Variants in MAMLD1 observed in about 807,000 individuals in gnomAD.
MAMLD1 encodes the protein mastermind like domain containing 1, also known as mastermind-like domain-containing protein 1.
Under a neutral mutation model 45.0 loss-of-function variants are expected in MAMLD1, and 14 were observed. That is an observed-to-expected ratio of 0.31 (90% CI 0.21 to 0.49). The LOEUF is 0.49. Ranked by LOEUF, MAMLD1 falls within the 20% of genes least tolerant of loss-of-function variation. The pLI, the probability that MAMLD1 is intolerant of heterozygous loss-of-function variation, is 0.99. For missense variants in MAMLD1, 543 were observed against 603.6 expected (o/e 0.90, Z 1.05); for synonymous variants, 254 against 247.8 (o/e 1.02, Z -0.24).
intron 1 of MAMLD1, among the ~76,000 whole-genome samples, chrX:150,380,505 T>G (rs1206345020): frequency 1.8e-5 from 2 of 112,082 alleles, no homozygotes; most frequent in African/African-American, 6.5e-5. Flanking sequence ...TGTTTTGTTT[T>G]GCCATGCAAA....
chrX:150,373,928 C>T lies in MAMLD1; in HGVS notation c.-64+10398C>T, dbSNP rs138905985. On this transcript the variant is annotated intron_variant, in intron 1 of 7. Transcript: ENST00000370401. The stretch of plus-strand genomic sequence containing the variant: ...ATCCACACCCCACCCTCCACCCCAC[C>T]AAATGGTACCATGCCTGGCATAAAG... 9.8e-3 allele frequency among the ~76,000 whole-genome samples: 1,096 copies of T among 112,090 alleles called. 7 individuals are homozygous for T. Among genetic ancestry groups the T allele is most frequent in the South Asian group, 0.025 (68 of 2,686 alleles).
chrX:150,370,051 C>G (rs1042100081), intron 1 of MAMLD1, among the ~76,000 whole-genome samples: 2 of 107,994 alleles, frequency 1.9e-5, no homozygotes, highest in Non-Finnish European at 3.8e-5. Context: ...CTAAAAAACT[C>G]CTTATCCAAG....
chrX:150,508,557 C>T (rs1197851399), intron 6 of MAMLD1, among the ~76,000 whole-genome samples: 2 of 112,333 alleles, frequency 1.8e-5, no homozygotes, highest in Admixed American at 9.3e-5. Flanking sequence ...GTAGTCTTCC[C>T]GGTGCCATGT....
Position 150,373,179 on chromosome X carries a change from G to A in MAMLD1, c.-64+9649G>A, listed in dbSNP as rs782126772. Among the ~76,000 whole-genome samples the A allele has an allele frequency of 1.2e-4, 13 of 111,480 alleles. No individual in the cohort carries two copies. In the East Asian group the frequency reaches 1.4e-3, roughly 12 times the overall value. On this transcript the variant is annotated intron_variant, in intron 1 of 7. Coordinates refer to ENST00000370401, the MANE Select transcript of MAMLD1 (RefSeq NM_005491.5). ...CCTGCCTGCTCTTCCTGGGCGTCCC[G>A]CACCAGCAATCCCCAAGAGTAACAG...
intron 1 of MAMLD1, among the ~76,000 whole-genome samples, chrX:150,433,860 G>A (rs2035033580): frequency 1.8e-5 from 2 of 111,574 alleles, no homozygotes; most frequent in Admixed American, 1.9e-4. Context: ...AATATTGGCC[G>A]TAAGTTTTCT....
At chrX:150,490,299 G>A (rs2037141620) in intron 5 of MAMLD1, among the ~76,000 whole-genome samples, 1 of 112,328 alleles carries the variant, frequency 8.9e-6, no homozygotes, top group Non-Finnish European at 1.9e-5. Flanking sequence ...GCCAAGGCTG[G>A]CTTGACTGGC....
intron 1 of MAMLD1, among the ~76,000 whole-genome samples, chrX:150,398,304 A>C (rs981899266): frequency 4.2e-4 from 41 of 97,908 alleles, no homozygotes; most frequent in African/African-American, 1.6e-3. Context: ...AAGAAGAAGA[A>C]GAAGAAGAAG....
At chrX:150,387,001 GATTT>G (rs1308273531) in intron 1 of MAMLD1, among the ~76,000 whole-genome samples, 1 of 110,634 alleles carries the variant, frequency 9.0e-6, no homozygotes, top group Admixed American at 9.7e-5. Context: ...TTTCAAAAAT[GATTT>G]ATGTAAAAGA....
chrX:150,493,104 T>G (rs1365862127), intron 5 of MAMLD1, among the ~76,000 whole-genome samples: 1 of 111,902 alleles, frequency 8.9e-6, no homozygotes, highest in Non-Finnish European at 1.9e-5. Flanking sequence ...CTTGAGTGTC[T>G]GTGTGGACCA....
At chrX:150,403,973 A>AAAGAAAGG (rs2033918728) in intron 1 of MAMLD1, among the ~76,000 whole-genome samples, 7 of 92,342 alleles carry the variant, frequency 7.6e-5, no homozygotes, top group African/African-American at 3.2e-4. Flanking sequence ...AGAAAGAAAG[A>AAAGAAAGG]AAGAAAGAAA....
intron 6 of MAMLD1, among the ~76,000 whole-genome samples, chrX:150,507,623 C>T (rs1450233096): frequency 2.7e-5 from 3 of 112,308 alleles, no homozygotes; most frequent in African/African-American, 6.5e-5. Context: ...GTGTCAGCAG[C>T]GCTGTGTGGC....
intron 5 of MAMLD1, among the ~76,000 whole-genome samples, chrX:150,501,379 A>G (rs2037547436): frequency 8.9e-6 from 1 of 112,013 alleles, no homozygotes; most frequent in Admixed American, 9.5e-5. Flanking sequence ...AGAACTGTCC[A>G]TTGTAGAAAG....
At chrX:150,459,195 T>C (rs1045227866) in intron 2 of MAMLD1, among the ~76,000 whole-genome samples, 2 of 111,323 alleles carry the variant, frequency 1.8e-5, no homozygotes, top group Admixed American at 1.9e-4. Context: ...TGACTGCGCC[T>C]TCCAGGCAGT....
intron 1 of MAMLD1, among the ~76,000 whole-genome samples, chrX:150,409,398 A>G (rs2034071231): frequency 1.8e-5 from 2 of 110,504 alleles, no homozygotes; most frequent in African/African-American, 3.3e-5. Context: ...TGAGGACTAC[A>G]AGCCTAAAGC....
chrX:150,405,639 A>T (rs1557402640), intron 1 of MAMLD1, among the ~76,000 whole-genome samples: 8 of 111,812 alleles, frequency 7.2e-5, no homozygotes, highest in South Asian at 3.7e-4. Flanking sequence ...GGTGGTTGTG[A>T]TGTTATATGT....
chrX:150,506,598 CCCCGAATCG>C (rs1336114382), intron 6 of MAMLD1, among the ~76,000 whole-genome samples: 1 of 112,294 alleles, frequency 8.9e-6, no homozygotes, highest in Non-Finnish European at 1.9e-5. Context: ...CTGTCTCAGT[CCCCGAATCG>C]TTTGTCCTCT....
rs1557405680 is a variant in MAMLD1, at chrX:150,462,755, C to T, written c.97-17C>T. 8.5e-7 allele frequency: 1 copy of T among 1,182,680 alleles called. No homozygotes were observed. On this transcript the variant is annotated splice_polypyrimidine_tract_variant and intron_variant, in intron 2 of 7. Transcript: ENST00000370401. The stretch of plus-strand genomic sequence containing the variant: ...AGTGTGTGCAAGTGGCTCTCCTCAG[C>T]CTACTCTCACCCCCAGGGAAAGAAG...
At chrX:150,365,202 A>T (rs1240253584) in intron 1 of MAMLD1, among the ~76,000 whole-genome samples, 11 of 109,576 alleles carry the variant, frequency 1.0e-4, no homozygotes, top group Non-Finnish European at 3.8e-5. Context: ...AAAGGGACGC[A>T]GAGGCAGAGG....
At chrX:150,454,177 G>C (rs782527169) in intron 2 of MAMLD1, among the ~76,000 whole-genome samples, 1 of 112,036 alleles carries the variant, frequency 8.9e-6, no homozygotes, top group Non-Finnish European at 1.9e-5. Flanking sequence ...CTAGCCTTAG[G>C]GCTGCCCATG....
Sources: gnomAD v4.1 joint callset for allele counts (sites outside exome capture counted in the v4.1 genomes callset) on GRCh38, gnomAD v4.1.1 for gene constraint, MANE v1.5 for transcripts, NCBI Gene and HGNC (gene_info 2026-07-23, HGNC 2026-07-21) for gene names.